Variants in EIF4ENIF1 observed in about 807,000 individuals in gnomAD.
EIF4ENIF1 encodes the protein eukaryotic translation initiation factor 4E nuclear import factor 1, also known as eukaryotic translation initiation factor 4E transporter.
A neutral mutation model predicts 110.5 loss-of-function variants in EIF4ENIF1; 23 were observed. That is an observed-to-expected ratio of 0.21 (90% CI 0.15 to 0.29). The LOEUF (loss-of-function observed/expected upper bound fraction) is 0.29. Ranked by LOEUF, EIF4ENIF1 falls within the 10% of genes least tolerant of loss-of-function variation. The pLI is 1.00. For synonymous variants in EIF4ENIF1, 440 were observed against 437.0 expected, an observed-to-expected ratio of 1.01 and a Z score of -0.09; for missense variants, 1,031 against 1,221.1, an observed-to-expected ratio of 0.84 and a Z score of 2.32.
At chr22:31,474,325 T>C (rs192824186) in intron 2 of EIF4ENIF1, among the ~76,000 whole-genome samples, 11 of 152,236 alleles carry the variant, frequency 7.2e-5, no homozygotes, top group African/African-American at 2.6e-4. Context: ...CCTCCCAAAG[T>C]GCTGGGATTA....
chr22:31,450,764 A>G (rs2050624771), intron 10 of EIF4ENIF1: 1 of 254,026 alleles, frequency 3.9e-6, no homozygotes, highest in South Asian at 4.8e-5. Flanking sequence ...ACATACATAT[A>G]TACATACATA....
rs35367724 is a variant in EIF4ENIF1, at chr22:31,487,793, CAA to C, written c.96+828_96+829del. Reference sequence around the variant, plus strand: ...CGACAAAGTGACGCCCTGTCGGGTGCAAAAAAAAAAAAAAAAAAAAGAAAAAT... The same window carrying C: ...CGACAAAGTGACGCCCTGTCGGGTGCAAAAAAAAAAAAAAAAAAGAAAAAT... On this transcript the variant is annotated intron_variant, in intron 2 of 18. Transcript: ENST00000330125. Among the ~76,000 whole-genome samples, 524 of 69,008 alleles carry C rather than the reference CAA, an allele frequency of 7.6e-3. 4 individuals are homozygous for C. Among genetic ancestry groups the C allele is most frequent in the Middle Eastern group, 0.028 (3 of 106 alleles). The allele number at this position is 69,008 out of a possible 152,430, so 45.3% of individuals were successfully genotyped here.
chr22:31,446,937 C>T (rs773499743), intron 14 of EIF4ENIF1: 29 of 457,962 alleles, frequency 6.3e-5, no homozygotes, highest in South Asian at 4.7e-4. Context: ...GATCAACAAA[C>T]CTGTCAGCTC....
intron 2 of EIF4ENIF1, among the ~76,000 whole-genome samples, chr22:31,474,847 C>A (rs1435263690): frequency 6.6e-6 from 1 of 152,104 alleles, no homozygotes; most frequent in Non-Finnish European, 1.5e-5. Context: ...GCTGCAACTG[C>A]CTTGCAAAAA....
Position 31,439,573 on chromosome 22 carries a change from T to C in EIF4ENIF1, c.*307A>G, listed in dbSNP as rs2050229190. ...GTACATAAGGGTCTATACATTTATT[T>C]CCTCAGAACCCTTAGGTGCCACCTC... is the stretch of plus-strand genomic sequence containing the variant. On this transcript the variant is annotated 3_prime_UTR_variant, in exon 19 of 19. Coordinates refer to ENST00000330125, the MANE Select transcript of EIF4ENIF1 (RefSeq NM_019843.4). The C allele has an allele frequency of 2.6e-6, 1 of 378,246 alleles. No individual in the cohort carries two copies. The highest frequency in any genetic ancestry group is 4.8e-6 in the Non-Finnish European group (1 of 207,236). The allele number at this position is 378,246 out of a possible 1,614,324, so 23.4% of individuals were successfully genotyped here.
intron 2 of EIF4ENIF1, among the ~76,000 whole-genome samples, chr22:31,484,789 G>A (rs1161541884): frequency 1.3e-5 from 2 of 152,152 alleles, no homozygotes; most frequent in Admixed American, 1.3e-4. Context: ...CGGAGATGGC[G>A]CCATTGCACT....
intron 2 of EIF4ENIF1, among the ~76,000 whole-genome samples, chr22:31,483,205 C>T (rs5753646): frequency 0.99 from 137,212 of 138,482 alleles, 67,987 homozygotes; most frequent in South Asian, 1. Context: ...TGCCAGGAGA[C>T]GATCTTTTTT....
At chr22:31,461,925 G>T (rs1213608827) in intron 6 of EIF4ENIF1, 1 of 147,608 alleles carries the variant, frequency 6.8e-6, no homozygotes, top group Non-Finnish European at 1.5e-5. Context: ...GCTCATCTAT[G>T]AAATGGGCAT....
In EIF4ENIF1 at chr22:31,447,442, C is replaced by T. The variant is rs974672710; in HGVS notation, c.1972G>A (p.Asp658Asn). The part of the protein sequence containing the change: ...FGKPQVDRTR[D>N]GFRNRQQRVT... ...GTAATTTACCTGTTTCTGAATCCATCTCTGGTTCTGTCCACCTGTGGTTTG... is the reference window on the plus strand; with the variant it reads ...GTAATTTACCTGTTTCTGAATCCATTTCTGGTTCTGTCCACCTGTGGTTTG... Residue 658 changes from aspartate (D) to asparagine (N), a missense_variant, in exon 14 of 19, where the codon GAT becomes AAT. By Grantham distance (23) the Asp-to-Asn change is conservative. This residue lies in a region of EIF4ENIF1 where 704 missense variants were observed against 879.7 expected (regional missense o/e 0.80). Transcript: ENST00000330125. 6.2e-7 allele frequency: 1 copy of T among 1,612,420 alleles called. No individual in the cohort carries two copies. Among genetic ancestry groups the T allele is most frequent in the African/African-American group, 1.3e-5 (1 of 74,880 alleles).
Position 31,463,938 on chromosome 22 carries a change from A to C in EIF4ENIF1, c.328T>G (p.Leu110Val), listed in dbSNP as rs2051085589. 3 of 1,613,612 alleles carry C rather than the reference A, an allele frequency of 1.9e-6. No individual in the cohort carries two copies. The highest frequency in any genetic ancestry group is 1.3e-5 in the African/African-American group (1 of 74,938). Residue 110 changes from leucine to valine, a missense_variant, in exon 5 of 19, where the codon TTA becomes GTA. By Grantham distance (32) the Leu-to-Val change is conservative. Coordinates refer to ENST00000330125, the MANE Select transcript of EIF4ENIF1 (RefSeq NM_019843.4). Reference sequence around the variant, plus strand: ...CTCTGAGGGCTGAGAACAACATCTAAGTCATCTTCTTTCACACGCTCTCGT... The same window carrying C: ...CTCTGAGGGCTGAGAACAACATCTACGTCATCTTCTTTCACACGCTCTCGT... ...DPRERVKEDDLDVVLSPQRRS... is the reference protein window; with the variant it reads ...DPRERVKEDDVDVVLSPQRRS...
downstream of EIF4ENIF1, among the ~76,000 whole-genome samples, chr22:31,437,516 A>G (rs2050190335): frequency 8.0e-6 from 1 of 125,032 alleles, no homozygotes; most frequent in African/African-American, 3.1e-5. Context: ...TAAAACCTGT[A>G]TGTCTAGCTT....
intron 2 of EIF4ENIF1, among the ~76,000 whole-genome samples, chr22:31,481,328 ATTTTT>A (rs35792669): frequency 6.8e-6 from 1 of 147,630 alleles, no homozygotes; most frequent in Non-Finnish European, 1.5e-5. Context: ...ACCTCTGGCA[ATTTTT>A]TTTTTTTTTA....
intron 2 of EIF4ENIF1, among the ~76,000 whole-genome samples, chr22:31,476,259 T>C (rs1382208546): frequency 6.6e-6 from 1 of 152,204 alleles, no homozygotes; most frequent in African/African-American, 2.4e-5. Flanking sequence ...ATTCTTAATG[T>C]AGGGAAGTTT....
intron 2 of EIF4ENIF1, among the ~76,000 whole-genome samples, chr22:31,481,830 C>T (rs1463565173): frequency 1.3e-5 from 2 of 152,144 alleles, no homozygotes; most frequent in Non-Finnish European, 2.9e-5. Context: ...CCTGGAGACA[C>T]TAATGACTAC....
rs1439008869 is a variant in EIF4ENIF1, at chr22:31,441,839, C to A, written c.2486G>T (p.Gly829Val). 4 of 1,614,080 alleles carry A rather than the reference C, an allele frequency of 2.5e-6. No individual in the cohort carries two copies. The highest frequency in any genetic ancestry group is 2.5e-6 in the Non-Finnish European group (3 of 1,180,012). The change falls in exon 17 of 19, where the codon GGG (glycine) becomes GTG (valine). Residue 829 changes from glycine (G) to valine (V), a missense_variant. Around this residue, in one of 3 missense-constraint regions of EIF4ENIF1, gnomAD observed 309 missense variants for 299.1 expected, o/e 1.03. Transcript: ENST00000330125. ...CTGGGCCAGCATCCTCTGTACCAAC[C>A]CTGGGTGAAGCTGGTGAGCAGGCCT... ...MVRPAHQLHP[G>V]LVQRMLAQGV...
chr22:31,462,383 T>C (rs1178448525), intron 6 of EIF4ENIF1, among the ~76,000 whole-genome samples: 4 of 151,342 alleles, frequency 2.6e-5, no homozygotes, highest in African/African-American at 9.7e-5. Flanking sequence ...CTCGGGAGGC[T>C]GAGGCAGGGA....
chr22:31,478,689 A>G (rs1403701114), intron 2 of EIF4ENIF1, among the ~76,000 whole-genome samples: 1 of 147,630 alleles, frequency 6.8e-6, no homozygotes, highest in Non-Finnish European at 1.5e-5. Flanking sequence ...CAGTGGCTCA[A>G]GCCTGTAATC....
intron 2 of EIF4ENIF1, among the ~76,000 whole-genome samples, chr22:31,472,712 C>T (rs901800130): frequency 3.3e-5 from 5 of 152,072 alleles, no homozygotes; most frequent in South Asian, 2.1e-4. Context: ...CATTTGTATA[C>T]ACTTATGGGG....
intron 10 of EIF4ENIF1, 146 bp from the exon 11 acceptor site, chr22:31,450,506 T>TTCC: frequency 1.8e-6 from 1 of 567,754 alleles, no homozygotes; most frequent in East Asian, 3.3e-5. Context: ...GACCAACGTG[T>TTCC]TCCGCTCTCA....
Sources: gnomAD v4.1 joint callset for allele counts (sites outside exome capture counted in the v4.1 genomes callset) on GRCh38, gnomAD v4.1.1 for gene constraint, gnomAD v4.1.1 regional missense constraint, MANE v1.5 for transcripts, NCBI Gene and HGNC (gene_info 2026-07-23, HGNC 2026-07-21) for gene names.